Variants in CADPS observed in about 807,000 individuals in gnomAD.
CADPS encodes calcium dependent secretion activator, also known as calcium-dependent secretion activator 1.
CADPS carries 57 observed loss-of-function variants against 167.3 expected under a neutral mutation model. The ratio of observed to expected loss-of-function variants is 0.34; its 90% CI spans 0.28 to 0.42. The LOEUF (loss-of-function observed/expected upper bound fraction) is 0.42. CADPS is among the 20% of genes least tolerant of loss of function. The pLI, the probability that CADPS is intolerant of heterozygous loss-of-function variation, is 1.00. For missense variants in CADPS, 1,414 were observed against 1,738.1 expected (o/e 0.81, Z 3.32); for synonymous variants, 676 against 635.3 (o/e 1.06, Z -0.96).
At chr3:62,525,645 A>T (rs530891182) in intron 13 of CADPS, among the ~76,000 whole-genome samples, 1 of 151,400 alleles carries the variant, frequency 6.6e-6, no homozygotes, top group East Asian at 1.9e-4. Context: ...CTTTGTGGGA[A>T]AAAGGGTTGA....
At chr3:62,600,412 T>C (rs957753631) in intron 6 of CADPS, among the ~76,000 whole-genome samples, 3 of 152,124 alleles carry the variant, frequency 2.0e-5, no homozygotes, top group African/African-American at 7.2e-5. Context: ...ACTGTAGAAA[T>C]GCCATCACCC....
chr3:62,786,188 G>C, intron 1 of CADPS, among the ~76,000 whole-genome samples: 1 of 152,048 alleles, frequency 6.6e-6, no homozygotes, highest in East Asian at 1.9e-4. Context: ...ATTCCAGCCT[G>C]GGGGACAGAG....
At position 62,823,975 on chromosome 3, in the gene CADPS, C is replaced by A. The variant is rs147139180; in HGVS notation, c.441+50614G>T. On this transcript the variant is annotated intron_variant, in intron 1 of 29. Transcript: ENST00000383710. ...CACGGCTCCTGCTCTGATCCTCCATCTGACTTCTCCTCTTTGCAGGCATTA... is the reference window on the plus strand; with the variant it reads ...CACGGCTCCTGCTCTGATCCTCCATATGACTTCTCCTCTTTGCAGGCATTA... Among the ~76,000 whole-genome samples, 52 of 152,158 alleles carry A rather than the reference C, an allele frequency of 3.4e-4. 1 individual carries two copies. Among genetic ancestry groups the A allele is most frequent in the African/African-American group, 1.2e-3 (50 of 41,520 alleles).
Position 62,473,980 on chromosome 3 carries a change from T to C in CADPS, c.3477+193A>G, listed in dbSNP as rs76713398. On this transcript the variant is annotated intron_variant, in intron 24 of 29. Transcript: ENST00000383710. ...AGAATCACTTCCAAGTGACTGACATTCTCATCAGCACATGCCTTAGAAATC... is the reference window on the plus strand; with the variant it reads ...AGAATCACTTCCAAGTGACTGACATCCTCATCAGCACATGCCTTAGAAATC... 2,000 of 463,368 alleles carry C rather than the reference T, an allele frequency of 4.3e-3. 11 individuals carry two copies. Among genetic ancestry groups the C allele is most frequent in the Non-Finnish European group, 5.7e-3 (1,521 of 266,402 alleles). The allele number at this position is 463,368 out of a possible 1,614,324, so 28.7% of individuals were successfully genotyped here. A position where few individuals can be genotyped will look rare whatever the true frequency, so the allele number is the denominator to read the frequency against.
intron 28 of CADPS, among the ~76,000 whole-genome samples, chr3:62,432,155 G>A (rs1409211719): frequency 2.6e-5 from 4 of 152,004 alleles, no homozygotes; most frequent in African/African-American, 9.7e-5. Flanking sequence ...ATCACTTGAA[G>A]GAACAAGTAG....
At chr3:62,743,209 G>A (rs576175973) in intron 3 of CADPS, among the ~76,000 whole-genome samples, 1 of 152,140 alleles carries the variant, frequency 6.6e-6, no homozygotes, top group South Asian at 2.1e-4. Context: ...TTTTTTGAAA[G>A]TAAATAATTA....
rs915749967 is a variant in CADPS at position 62,638,081 on chromosome 3, ATATATATATATATG to A, written c.1325+7627_1325+7640del. On this transcript the variant is annotated intron_variant, in intron 6 of 29. Transcript: ENST00000383710. ...GCCCAAGCATTGTTTTAAGCATTAT[ATATATATATATATG>A]TATATATATATAGCAATTAATTTTC... 1.9e-3 allele frequency among the ~76,000 whole-genome samples: 48 copies of A among 25,908 alleles called. No homozygotes were observed. In the South Asian group the frequency reaches 0.035, roughly 19 times the overall value. 17.0% of individuals were successfully genotyped at this position (25,908 alleles called of 152,430 possible). A position where few individuals can be genotyped will look rare whatever the true frequency, so the allele number is the denominator to read the frequency against.
intron 1 of CADPS, among the ~76,000 whole-genome samples, chr3:62,867,268 G>A (rs186993040): frequency 1.3e-5 from 2 of 152,078 alleles, no homozygotes; most frequent in African/African-American, 4.8e-5. Flanking sequence ...TTTCCTCATA[G>A]TGGCTATGAA....
intron 2 of CADPS, among the ~76,000 whole-genome samples, chr3:62,759,349 G>T (rs1418103674): frequency 6.6e-6 from 1 of 152,104 alleles, no homozygotes; most frequent in Non-Finnish European, 1.5e-5. Context: ...ATACAAGTTA[G>T]CTGTTATTTT....
chr3:62,844,402 T>C (rs1379508861), intron 1 of CADPS, among the ~76,000 whole-genome samples: 1 of 152,174 alleles, frequency 6.6e-6, no homozygotes, highest in Non-Finnish European at 1.5e-5. Flanking sequence ...CTTTTTGACA[T>C]AATTGCCTGT....
At chr3:62,733,594 C>G (rs895870303) in intron 3 of CADPS, among the ~76,000 whole-genome samples, 3 of 152,012 alleles carry the variant, frequency 2.0e-5, no homozygotes, top group African/African-American at 7.2e-5. Flanking sequence ...CCTTTTTTAT[C>G]TTTCTTGTCT....
intron 3 of CADPS, among the ~76,000 whole-genome samples, chr3:62,729,164 T>C (rs1001387196): frequency 1.3e-5 from 2 of 151,894 alleles, no homozygotes; most frequent in African/African-American, 2.4e-5. Context: ...CACTACCTGA[T>C]TTAGTGTGTC....
At chr3:62,846,641 TTTTG>T (rs1315275884) in intron 1 of CADPS, among the ~76,000 whole-genome samples, 3 of 152,094 alleles carry the variant, frequency 2.0e-5, no homozygotes, top group Non-Finnish European at 4.4e-5. Flanking sequence ...TTGGGTCTTT[TTTTG>T]TTTGTTTTTT....
rs148709835 is a variant in CADPS at position 62,635,428 on chromosome 3, G to A, written c.1325+10294C>T. On this transcript the variant is annotated intron_variant, in intron 6 of 29. Transcript: ENST00000383710. ...CCTCTCTAGTAAATTTACAGAAGAA[G>A]AACATCCAAAAAACAACACCCTGTC... Among the ~76,000 whole-genome samples, 514 of 152,196 alleles carry A rather than the reference G, an allele frequency of 3.4e-3. 2 individuals carry two copies. The highest frequency in any genetic ancestry group is 6.1e-3 in the Non-Finnish European group (413 of 67,994).
At chr3:62,627,597 C>T (rs1401069329) in intron 6 of CADPS, among the ~76,000 whole-genome samples, 1 of 151,556 alleles carries the variant, frequency 6.6e-6, no homozygotes, top group Non-Finnish European at 1.5e-5. Context: ...TTAAAACAGA[C>T]CACTATTTGA....
chr3:62,645,714 T>G lies in CADPS; in HGVS notation c.1325+8A>C. 6.2e-7 allele frequency: 1 copy of G among 1,613,652 alleles called. No homozygotes were observed. Among genetic ancestry groups the G allele is most frequent in the Non-Finnish European group, 8.5e-7 (1 of 1,179,816 alleles). Reference sequence around the variant, plus strand: ...CTATAAGATGGACCCTGGAGAAACATAACTTACGTTGGTTTAGAAGCCTCG... The same window carrying G: ...CTATAAGATGGACCCTGGAGAAACAGAACTTACGTTGGTTTAGAAGCCTCG... On this transcript the variant is annotated splice_region_variant and intron_variant, in intron 6 of 29. Transcript: ENST00000383710.
At chr3:62,804,948 A>C (rs487321) in intron 1 of CADPS, among the ~76,000 whole-genome samples, 1 of 152,024 alleles carries the variant, frequency 6.6e-6, no homozygotes, top group Non-Finnish European at 1.5e-5. Flanking sequence ...TTAAGAACCA[A>C]TATCAAGAAA....
chr3:62,495,983 T>G (rs1017151179), intron 18 of CADPS, among the ~76,000 whole-genome samples: 2 of 152,174 alleles, frequency 1.3e-5, no homozygotes, highest in Non-Finnish European at 2.9e-5. Context: ...AGCCTACTAG[T>G]CACTTTGATT....
chr3:62,678,414 A>G (rs1298337013), intron 3 of CADPS, among the ~76,000 whole-genome samples: 1 of 152,128 alleles, frequency 6.6e-6, no homozygotes, highest in Non-Finnish European at 1.5e-5. Flanking sequence ...TTTTTAGTTA[A>G]GTTTTTAGGT....
Sources: gnomAD v4.1 joint callset for allele counts (sites outside exome capture counted in the v4.1 genomes callset) on GRCh38, gnomAD v4.1.1 for gene constraint, MANE v1.5 for transcripts, NCBI Gene and HGNC (gene_info 2026-07-23, HGNC 2026-07-21) for gene names.